The following TMBIM6 variants were observed in gnomAD, a reference collection of about 807,000 sequenced individuals.
TMBIM6 encodes the protein bax inhibitor 1.
A neutral mutation model predicts 31.4 loss-of-function variants in TMBIM6; 13 were observed. That is an observed-to-expected ratio of 0.41 (90% CI 0.27 to 0.66). The LOEUF (loss-of-function observed/expected upper bound fraction) is 0.66, where lower values mean the gene tolerates loss of function less well. Among genes scored for constraint, TMBIM6 ranks in the 30% least tolerant of loss-of-function variants. The probability of loss-of-function intolerance (pLI) is 0.28; values close to 1 mark genes in which losing one functional copy is unlikely to be tolerated. For synonymous variants in TMBIM6, 85 were observed against 101.7 expected, an observed-to-expected ratio of 0.84 and a Z score of 0.99; for missense variants, 275 against 289.5, an observed-to-expected ratio of 0.95 and a Z score of 0.36.
At chr12:49,760,840 C>T (rs553049933) in intron 8 of TMBIM6, among the ~76,000 whole-genome samples, 44 of 151,076 alleles carry the variant, frequency 2.9e-4, no homozygotes, top group Non-Finnish European at 5.3e-4. Context: ...CCATGCCCAG[C>T]TCACTTTTTT....
At chr12:49,747,382 C>G (rs1273578461) in intron 1 of TMBIM6, among the ~76,000 whole-genome samples, 1 of 152,104 alleles carries the variant, frequency 6.6e-6, no homozygotes, top group Non-Finnish European at 1.5e-5. Flanking sequence ...GATGATGGCT[C>G]ACTGCAGCCT....
intron 4 of TMBIM6, among the ~76,000 whole-genome samples, chr12:49,756,992 A>G (rs995627921): frequency 1.3e-5 from 2 of 151,914 alleles, no homozygotes; most frequent in Non-Finnish European, 2.9e-5. Flanking sequence ...TCGGCCTCCC[A>G]AAGTGCTGGG....
Position 49,741,591 on chromosome 12 carries a change from T to G in TMBIM6, c.-51T>G, listed in dbSNP as rs940347296. 1 of 158,858 alleles carries G rather than the reference T, an allele frequency of 6.3e-6. No individual in the cohort carries two copies. The highest frequency in any genetic ancestry group is 6.0e-5 in the Admixed American group (1 of 16,594). The allele number at this position is 158,858 out of a possible 1,614,324, so 9.8% of individuals were successfully genotyped here. On this transcript the variant is annotated 5_prime_UTR_variant, in exon 1 of 10. Transcript: ENST00000267115. ...CCGGTGTTAGAAGCGCTGGTAGGCC[T>G]TGGAGAGGCGGGTTAGGAAGGTACG... is the stretch of plus-strand genomic sequence containing the variant.
At chr12:49,759,972 C>T (rs1313453658) in intron 8 of TMBIM6, among the ~76,000 whole-genome samples, 2 of 151,258 alleles carry the variant, frequency 1.3e-5, no homozygotes, top group African/African-American at 2.4e-5. Context: ...ATTAGTCGGG[C>T]GTGGTGGCGG....
chr12:49,761,013 A>G (rs1318909607), intron 8 of TMBIM6, among the ~76,000 whole-genome samples: 2 of 150,066 alleles, frequency 1.3e-5, no homozygotes, highest in Non-Finnish European at 3.0e-5. Context: ...CTAATTTTGT[A>G]TTTTTAGTAG....
intron 1 of TMBIM6, among the ~76,000 whole-genome samples, chr12:49,751,508 C>T (rs977345806): frequency 5.3e-5 from 8 of 151,918 alleles, no homozygotes; most frequent in African/African-American, 1.7e-4. Flanking sequence ...CTGAAACTGT[C>T]AAAAAAATAC....
intron 1 of TMBIM6, among the ~76,000 whole-genome samples, chr12:49,745,479 C>T (rs1285533369): frequency 6.6e-6 from 1 of 152,094 alleles, no homozygotes; most frequent in East Asian, 1.9e-4. Flanking sequence ...AATCCCAGCA[C>T]TTTGGGAGGC....
Position 49,753,152 on chromosome 12 carries a change from G to A in TMBIM6, c.165+71G>A, listed in dbSNP as rs1945527204. On this transcript the variant is annotated intron_variant, in intron 3 of 9. Coordinates refer to ENST00000267115, the MANE Select transcript of TMBIM6 (RefSeq NM_003217.3). Reference sequence around the variant, plus strand: ...AGGAAAAAACCAGCTCAGCAAGGTGGTCCAAGGGACCCTGTTCCTCTCTTT... The same window carrying A: ...AGGAAAAAACCAGCTCAGCAAGGTGATCCAAGGGACCCTGTTCCTCTCTTT... 5.7e-6 allele frequency: 7 copies of A among 1,220,562 alleles called. No homozygotes were observed. In the South Asian group the frequency reaches 9.0e-5, roughly 16 times the overall value. 75.6% of individuals were successfully genotyped at this position (1,220,562 alleles called of 1,614,324 possible).
intron 8 of TMBIM6, among the ~76,000 whole-genome samples, chr12:49,759,698 T>C (rs1281665560): frequency 6.6e-6 from 1 of 151,500 alleles, no homozygotes; most frequent in Non-Finnish European, 1.5e-5. Flanking sequence ...TCCCAGCTAC[T>C]CAGGAGGCTA....
At position 49,763,674 on chromosome 12, in the gene TMBIM6, TTTTG is replaced by T. The variant is rs1945762798; in HGVS notation, c.*782_*785del. The T allele has an allele frequency of 6.6e-6, 1 of 152,166 alleles. No homozygotes were observed. The highest frequency in any genetic ancestry group is 1.5e-5 in the Non-Finnish European group (1 of 68,052). The allele number at this position is 152,166 out of a possible 1,614,324, so 9.4% of individuals were successfully genotyped here. A position where few individuals can be genotyped will look rare whatever the true frequency, so the allele number is the denominator to read the frequency against. On this transcript the variant is annotated 3_prime_UTR_variant, in exon 10 of 10. Coordinates refer to ENST00000267115, the MANE Select transcript of TMBIM6 (RefSeq NM_003217.3). Reference sequence around the variant, plus strand: ...TAGGGTTCCCCTAAACTTGCCCTGTTTTTGTTTTTTTAGTTTGTTATCCCCTTAC... The same window carrying T: ...TAGGGTTCCCCTAAACTTGCCCTGTTTTTTTTTAGTTTGTTATCCCCTTAC...
At chr12:49,752,398 T>C in intron 1 of TMBIM6, 66 bp from the exon 2 acceptor site, 1 of 1,209,756 alleles carries the variant, frequency 8.3e-7, no homozygotes, top group East Asian at 2.5e-5. Flanking sequence ...TGCTTTTTTT[T>C]TTTTTTATAA....
At chr12:49,761,244 C>T (rs1945713518) in intron 8 of TMBIM6, among the ~76,000 whole-genome samples, 1 of 152,076 alleles carries the variant, frequency 6.6e-6, no homozygotes. Flanking sequence ...AGGGCTTGCT[C>T]TGTCACCCAA....
chr12:49,756,296 C>T (rs7487779), intron 4 of TMBIM6, among the ~76,000 whole-genome samples: 18,218 of 151,336 alleles, frequency 0.12, 1,645 homozygotes, highest in African/African-American at 0.26. Context: ...CCACCATGCC[C>T]GGCTAATTTT....
intron 1 of TMBIM6, chr12:49,742,344 A>C: frequency 6.6e-7 from 1 of 1,507,854 alleles, no homozygotes; most frequent in Non-Finnish European, 8.8e-7. Context: ...TCTGCTCAGC[A>C]AGGGCGTCGT....
At chr12:49,748,940 G>A (rs1945444395) in intron 1 of TMBIM6, among the ~76,000 whole-genome samples, 1 of 152,088 alleles carries the variant, frequency 6.6e-6, no homozygotes, top group South Asian at 2.1e-4. Flanking sequence ...TGGAATGTTA[G>A]CGAGTTACTT....
At chr12:49,745,735 A>AAAAAAAAAAAAAAAAAC (rs375099364) in intron 1 of TMBIM6, among the ~76,000 whole-genome samples, 24 of 150,606 alleles carry the variant, frequency 1.6e-4, no homozygotes, top group African/African-American at 5.5e-4. Flanking sequence ...AAAAAAAAAA[A>AAAAAAAAAAAAAAAAAC]CCCAGCACAT....
At chr12:49,748,217 T>C (rs1489909060) in intron 1 of TMBIM6, among the ~76,000 whole-genome samples, 1 of 152,128 alleles carries the variant, frequency 6.6e-6, no homozygotes, top group Non-Finnish European at 1.5e-5. Context: ...TTTTTTTGTT[T>C]TGTTTTGTTT....
At chr12:49,758,862 G>A in intron 7 of TMBIM6, 100 bp downstream of exon 7, 2 of 1,041,110 alleles carry the variant, frequency 1.9e-6, no homozygotes, top group South Asian at 1.4e-5. Context: ...ACTTTGGGCA[G>A]TGCTCTCTAA....
rs372622355 is a variant in TMBIM6, at chr12:49,749,435, A to ATTTTTTTTTTTTTT, written c.-30-3024_-30-3023insTTTTTTTTTTTTTT. On this transcript the variant is annotated intron_variant, in intron 1 of 9. Transcript: ENST00000267115. ...GTAAGTCCTTTTCTTTTTGTAAGTC[A>ATTTTTTTTTTTTTT]TTTTTGTTTTTTTTTGAAACGGAGT... 4.8e-4 allele frequency among the ~76,000 whole-genome samples: 66 copies of ATTTTTTTTTTTTTT among 136,412 alleles called. 3 individuals carry two copies. Among genetic ancestry groups the ATTTTTTTTTTTTTT allele is most frequent in the African/African-American group, 1.9e-3 (63 of 32,388 alleles). The allele number at this position is 136,412 out of a possible 152,430, so 89.5% of individuals were successfully genotyped here.
Sources: gnomAD v4.1 joint callset for allele counts (sites outside exome capture counted in the v4.1 genomes callset) on GRCh38, gnomAD v4.1.1 for gene constraint, MANE v1.5 for transcripts, NCBI Gene and HGNC (gene_info 2026-07-23, HGNC 2026-07-21) for gene names.